Variants in CTNNA1 observed in about 807,000 individuals in gnomAD.
CTNNA1 encodes the protein catenin alpha 1.
In CTNNA1, 37 loss-of-function variants were observed where a neutral mutation model predicts 98.4. The observed-to-expected ratio is 0.38, with a 90% CI of 0.29 to 0.49. CTNNA1 has a LOEUF of 0.49. CTNNA1 is among the 20% of genes least tolerant of loss of function. The pLI, the probability that CTNNA1 is intolerant of heterozygous loss-of-function variation, is 0.95. For synonymous variants in CTNNA1, 404 were observed against 413.2 expected (o/e 0.98, Z 0.27); for missense variants, 761 against 1,147.2 (o/e 0.66, Z 4.86).
At position 138,874,294 on chromosome 5, in the gene CTNNA1, C is replaced by A; in HGVS notation, c.1063-11918C>A. On this transcript the variant is annotated intron_variant, in intron 7 of 17. Coordinates refer to ENST00000302763, the MANE Select transcript of CTNNA1 (RefSeq NM_001903.5). This position sits in a 1 kb window ranked among gnomAD's most constrained non-coding sequence, Gnocchi z 4.1. ...AAATTTGATTGTGATCTAAGTGGAG[C>A]CAAGTAAGTTGACTGAAGCTGGCAA... is the stretch of plus-strand genomic sequence containing the variant. The A allele has an allele frequency of 6.2e-7, 1 of 1,613,952 alleles. No individual in the cohort carries two copies. The highest frequency in any genetic ancestry group is 8.5e-7 in the Non-Finnish European group (1 of 1,179,886).
chr5:138,815,423 G>C (rs1365877343), intron 5 of CTNNA1, among the ~76,000 whole-genome samples: 1 of 151,806 alleles, frequency 6.6e-6, no homozygotes, highest in Non-Finnish European at 1.5e-5. Context: ...TTGGTGAGTG[G>C]GAGCACCAGC....
chr5:138,904,266 G>A lies in CTNNA1; in HGVS notation c.1297-83G>A, dbSNP rs1006179117. The A allele has an allele frequency of 6.8e-6, 10 of 1,475,584 alleles. No homozygotes were observed. The African/African-American group carries it at 1.1e-4, about 17-fold the overall frequency. The allele number at this position is 1,475,584 out of a possible 1,614,324, so 91.4% of individuals were successfully genotyped here. A position where few individuals can be genotyped will look rare whatever the true frequency, so the allele number is the denominator to read the frequency against. On this transcript the variant is annotated intron_variant, in intron 9 of 17. Coordinates refer to ENST00000302763, the MANE Select transcript of CTNNA1 (RefSeq NM_001903.5). ...GTGCCCTTGTCATCTGTTCCAGAAT[G>A]GTCAGAGGTAGGGCCAGGTGTGTGT...
In CTNNA1 at chr5:138,930,799, C is replaced by A. The variant is rs778508514; in HGVS notation, c.2193-31C>A. On this transcript the variant is annotated intron_variant, in intron 15 of 17. Coordinates refer to ENST00000302763, the MANE Select transcript of CTNNA1 (RefSeq NM_001903.5). ...CTCCAACTGTGAGGGGCTTCACATA[C>A]AATAATCCTTGTTCTCTTCCCTCTT... 3.2e-6 allele frequency: 5 copies of A among 1,547,662 alleles called. No homozygotes were observed. The African/African-American group carries it at 4.1e-5, about 13-fold the overall frequency.
rs1765163097 is a variant in CTNNA1, at chr5:138,930,930, G to C, written c.2293G>C (p.Asp765His). ...RMDKLGRTIA[D>H]HCPDSACKQD... is the part of the protein sequence containing the mutation. ...GGACAAGCTTGGCCGCACCATTGCA[G>C]ACCATGTAAGTGACAGACTTGCCAG... Residue 765 changes from aspartate (D) to histidine (H), a missense_variant, in exon 16 of 18, where the codon GAC becomes CAC. By Grantham distance (81) the Asp-to-His change is moderately conservative. This residue lies in a region of CTNNA1 where 77 missense variants were observed against 198.8 expected (regional missense o/e 0.39). Transcript: ENST00000302763. 6.2e-7 allele frequency: 1 copy of C among 1,610,974 alleles called. No individual in the cohort carries two copies. The highest frequency in any genetic ancestry group is 2.2e-5 in the East Asian group (1 of 44,876).
In CTNNA1 at chr5:138,769,618, C is replaced by T. The variant is rs538868061; in HGVS notation, c.-2-12305C>T. Reference sequence around the variant, plus strand: ...TGCGATCTTGGCTCACCGCAGCCTCCGCCTTCTGGGTTCAAGCGATTCTCC... The same window carrying T: ...TGCGATCTTGGCTCACCGCAGCCTCTGCCTTCTGGGTTCAAGCGATTCTCC... On this transcript the variant is annotated intron_variant, in intron 1 of 17. Transcript: ENST00000302763. Among the ~76,000 whole-genome samples, 12 of 151,844 alleles carry T rather than the reference C, an allele frequency of 7.9e-5. No individual in the cohort carries two copies. In the East Asian group the frequency reaches 1.6e-3, roughly 20 times the overall value.
chr5:138,910,782 C>T (rs969558052), intron 10 of CTNNA1, among the ~76,000 whole-genome samples: 2 of 152,128 alleles, frequency 1.3e-5, no homozygotes, highest in Non-Finnish European at 2.9e-5. Context: ...GCAGAGAGAA[C>T]AGCAAGTGCA....
At chr5:138,835,757 G>T (rs1426838332) in intron 7 of CTNNA1, among the ~76,000 whole-genome samples, 1 of 152,068 alleles carries the variant, frequency 6.6e-6, no homozygotes, top group East Asian at 1.9e-4. Flanking sequence ...ACCTTGTGTG[G>T]GTGGTAAGAG....
Position 138,874,185 on chromosome 5 carries a change from T to A in CTNNA1, c.1063-12027T>A. On this transcript the variant is annotated intron_variant, in intron 7 of 17. Transcript: ENST00000302763. The surrounding 1 kb of genome is among the most constrained non-coding windows in gnomAD (Gnocchi z 4.1). ...TTAATCAGTTGGGTAAAAGTTGTGTTTGGCAAGTAAAATATTTTGTTGGAA... is the reference window on the plus strand; with the variant it reads ...TTAATCAGTTGGGTAAAAGTTGTGTATGGCAAGTAAAATATTTTGTTGGAA... 6.2e-7 allele frequency: 1 copy of A among 1,613,990 alleles called. No homozygotes were observed. The highest frequency in any genetic ancestry group is 8.5e-7 in the Non-Finnish European group (1 of 1,179,872).
chr5:138,932,264 G>T lies in CTNNA1; in HGVS notation c.2299-314G>T, dbSNP rs1580925699. On this transcript the variant is annotated intron_variant, in intron 16 of 17. Transcript: ENST00000302763. ...TCCACCCTGCCGTTTGGGGTGAGGG[G>T]ATCCTTGGCCAGGGTGGTTTCCCCG... 5.2e-6 allele frequency: 6 copies of T among 1,145,370 alleles called. No homozygotes were observed. The East Asian group carries it at 2.6e-4, about 49-fold the overall frequency. The allele number at this position is 1,145,370 out of a possible 1,614,324, so 71.0% of individuals were successfully genotyped here. A position where few individuals can be genotyped will look rare whatever the true frequency, so the allele number is the denominator to read the frequency against.
At chr5:138,891,216 G>A (rs1581510517) in intron 9 of CTNNA1, 5 of 152,332 alleles carry the variant, frequency 3.3e-5, no homozygotes. Context: ...ACCAGAGTGA[G>A]TGGTCCTTTC....
At chr5:138,790,122 G>A (rs573858911) in intron 3 of CTNNA1, among the ~76,000 whole-genome samples, 1 of 152,338 alleles carries the variant, frequency 6.6e-6, no homozygotes, top group South Asian at 2.1e-4. Context: ...GATGACCATA[G>A]TAGTGGGGAG....
At chr5:138,810,803 G>A (rs1205343068) in intron 4 of CTNNA1, among the ~76,000 whole-genome samples, 4 of 152,230 alleles carry the variant, frequency 2.6e-5, no homozygotes, top group Non-Finnish European at 5.9e-5. Context: ...TGAGCTGTTG[G>A]GTACACCTCC....
intron 1 of CTNNA1, among the ~76,000 whole-genome samples, chr5:138,767,002 G>A (rs1055562672): frequency 1.3e-5 from 2 of 151,584 alleles, no homozygotes; most frequent in African/African-American, 4.9e-5. Flanking sequence ...GAATAAAGCT[G>A]AACCCTCCAA....
chr5:138,757,391 A>C (rs1751784757), intron 1 of CTNNA1, among the ~76,000 whole-genome samples: 1 of 152,146 alleles, frequency 6.6e-6, no homozygotes, highest in Non-Finnish European at 1.5e-5. Flanking sequence ...TACAGTATTT[A>C]AAAACAGTTC....
intron 10 of CTNNA1, among the ~76,000 whole-genome samples, chr5:138,907,408 T>A (rs1759506545): frequency 6.6e-6 from 1 of 152,232 alleles, no homozygotes; most frequent in African/African-American, 2.4e-5. Flanking sequence ...TTAAAGTTTT[T>A]GAAATCTTTG....
chr5:138,756,131 T>G (rs1434652389), intron 1 of CTNNA1, among the ~76,000 whole-genome samples: 2 of 151,914 alleles, frequency 1.3e-5, no homozygotes, highest in African/African-American at 4.8e-5. Context: ...CCGTGCCTCC[T>G]GGGTTCAAGC....
At chr5:138,916,799 A>G (rs954875251) in intron 10 of CTNNA1, among the ~76,000 whole-genome samples, 1 of 151,178 alleles carries the variant, frequency 6.6e-6, no homozygotes. Context: ...TGAGACAACA[A>G]GTTTCACTCT....
intron 5 of CTNNA1, among the ~76,000 whole-genome samples, chr5:138,815,646 T>C (rs377150388): frequency 3.7e-4 from 56 of 152,322 alleles, no homozygotes; most frequent in Non-Finnish European, 6.0e-4. Flanking sequence ...GATAGTATAG[T>C]CTCTAAACTG....
chr5:138,893,653 T>C (rs892334024), intron 9 of CTNNA1, among the ~76,000 whole-genome samples: 1 of 152,156 alleles, frequency 6.6e-6, no homozygotes, highest in Admixed American at 6.5e-5. Flanking sequence ...AGATGGAGTC[T>C]CTCTCTGTCA....
Sources: gnomAD v4.1 joint callset for allele counts (sites outside exome capture counted in the v4.1 genomes callset) on GRCh38, gnomAD v4.1.1 for gene constraint, gnomAD v4.1.1 regional missense constraint, Gnocchi (gnomAD v3.1) non-coding constraint, MANE v1.5 for transcripts, NCBI Gene and HGNC (gene_info 2026-07-23, HGNC 2026-07-21) for gene names.